Variants in ASH1L observed in about 807,000 individuals in gnomAD.
The protein encoded by ASH1L is histone-lysine N-methyltransferase ASH1L.
In ASH1L, 23 loss-of-function variants were observed where a neutral mutation model predicts 269.0. The observed-to-expected ratio is 0.09, with a 90% CI of 0.06 to 0.12. The LOEUF (loss-of-function observed/expected upper bound fraction) is 0.12. Among genes scored for constraint, ASH1L ranks in the 10% least tolerant of loss-of-function variants. The pLI is 1.00. For synonymous variants in ASH1L, 1,187 were observed against 1,253.5 expected (o/e 0.95, Z 1.12); for missense variants, 2,912 against 3,567.8 (o/e 0.82, Z 4.68).
chr1:155,373,045 T>A (rs1382176748), intron 10 of ASH1L, among the ~76,000 whole-genome samples: 1 of 151,840 alleles, frequency 6.6e-6, no homozygotes, highest in Non-Finnish European at 1.5e-5. Flanking sequence ...AAACCCCATC[T>A]CTACTAAAAA....
intron 4 of ASH1L, among the ~76,000 whole-genome samples, chr1:155,441,447 A>G (rs1469514390): frequency 6.8e-6 from 1 of 147,764 alleles, no homozygotes; most frequent in African/African-American, 2.5e-5. Flanking sequence ...TATTTGAATA[A>G]AGAATCCTTT....
At chr1:155,446,626 CTTTTTTT>C (rs34042736) in intron 4 of ASH1L, among the ~76,000 whole-genome samples, 1 of 116,844 alleles carries the variant, frequency 8.6e-6, no homozygotes, top group Non-Finnish European at 1.8e-5. Context: ...TTTTTTTTTT[CTTTTTTT>C]TTTTTTGAGA....
chr1:155,481,081 C>T lies in ASH1L; in HGVS notation c.1789G>A (p.Glu597Lys). Residue 597 changes from glutamate (E) to lysine (K), a missense_variant, in exon 3 of 28, where the codon GAA becomes AAA. Coordinates refer to ENST00000392403, the MANE Select transcript of ASH1L (RefSeq NM_018489.3). ...GTAAACTGGTTCTTTCCAACAGATT[C>T]AGAAATTTCTTCGATTAGTTCTGTA... is the stretch of plus-strand genomic sequence containing the variant. ...STTELIEEISESVGKNQFTSE... is the reference protein window; with the variant it reads ...STTELIEEISKSVGKNQFTSE... 10 of 1,614,008 alleles carry T rather than the reference C, an allele frequency of 6.2e-6. No homozygotes were observed. Among genetic ancestry groups the T allele is most frequent in the Non-Finnish European group, 8.5e-6 (10 of 1,179,962 alleles).
intron 7 of ASH1L, 128 bp from the exon 8 acceptor site, chr1:155,380,244 C>A: frequency 1.5e-6 from 1 of 653,182 alleles, no homozygotes; most frequent in Non-Finnish European, 2.6e-6. Context: ...AAGGATTTTT[C>A]CATCACCAAT....
rs1424326955 is a variant in ASH1L at position 155,477,980 on chromosome 1, G to A, written c.4890C>T (p.Ser1630=). The A allele has an allele frequency of 6.2e-7, 1 of 1,614,206 alleles. No individual in the cohort carries two copies. The highest frequency in any genetic ancestry group is 8.5e-7 in the Non-Finnish European group (1 of 1,180,040). Residue 1630 remains serine (S), a synonymous_variant, in exon 3 of 28, where the codon AGC becomes AGT. Coordinates refer to ENST00000392403, the MANE Select transcript of ASH1L (RefSeq NM_018489.3). ...NSSGRKKLTD[S]PGLFSAQDTS... is the part of the protein sequence containing the mutation. ...TGTCCTGTGCAGAAAAGAGTCCAGG[G>A]CTGTCAGTTAATTTCTTCCGGCCAC...
intron 4 of ASH1L, among the ~76,000 whole-genome samples, chr1:155,457,277 A>G (rs996628940): frequency 4.6e-5 from 7 of 152,214 alleles, no homozygotes; most frequent in Admixed American, 2.6e-4. Context: ...TGCATGTACA[A>G]TGAAGTTCCA....
intron 7 of ASH1L, among the ~76,000 whole-genome samples, chr1:155,380,361 C>A (rs975937426): frequency 6.6e-6 from 1 of 151,870 alleles, no homozygotes; most frequent in African/African-American, 2.4e-5. Flanking sequence ...AAAACTACAA[C>A]CAAAAACACA....
intron 1 of ASH1L, among the ~76,000 whole-genome samples, chr1:155,558,946 G>A (rs1485754885): frequency 4.7e-5 from 7 of 150,434 alleles, no homozygotes; most frequent in Non-Finnish European, 8.8e-5. Flanking sequence ...AGGGATTCAA[G>A]AGATCCTCCT....
intron 4 of ASH1L, among the ~76,000 whole-genome samples, chr1:155,446,035 C>CTTTTTTTT (rs77905341): frequency 8.3e-6 from 1 of 119,996 alleles, no homozygotes; most frequent in Admixed American, 8.4e-5. Flanking sequence ...CTACACTGTA[C>CTTTTTTTT]TTTTTTTTTT....
At chr1:155,456,452 G>A (rs1338961661) in intron 4 of ASH1L, among the ~76,000 whole-genome samples, 1 of 152,046 alleles carries the variant, frequency 6.6e-6, no homozygotes, top group Non-Finnish European at 1.5e-5. Flanking sequence ...CCATTCTGAA[G>A]TCTTGTTTAG....
chr1:155,433,996 T>C (rs1201477819), intron 5 of ASH1L: 3 of 1,587,100 alleles, frequency 1.9e-6, no homozygotes, highest in Non-Finnish European at 2.6e-6. Flanking sequence ...TCGAGAAGGA[T>C]GTGGTCCGAG....
chr1:155,498,971 G>T (rs909690228), intron 2 of ASH1L, among the ~76,000 whole-genome samples: 2 of 148,612 alleles, frequency 1.3e-5, no homozygotes, highest in Admixed American at 6.7e-5. Flanking sequence ...AAACATATAG[G>T]TCAAGAATGC....
At position 155,343,064 on chromosome 1, in the gene ASH1L, T is replaced by G. The variant is rs577418720; in HGVS notation, c.8293+250A>C. On this transcript the variant is annotated intron_variant, in intron 24 of 27. Transcript: ENST00000392403. The surrounding 1 kb of genome is among the most constrained non-coding windows in gnomAD (Gnocchi z 6.1). ...TTTCATTCTGTTGCACAGGTTGGAG[T>G]GCAGTGGTGCGATCTTGGCTCACTG... 2.6e-6 allele frequency: 1 copy of G among 377,386 alleles called. No homozygotes were observed. The highest frequency in any genetic ancestry group is 4.7e-5 in the East Asian group (1 of 21,206). The allele number at this position is 377,386 out of a possible 1,614,324, so 23.4% of individuals were successfully genotyped here. A position where few individuals can be genotyped will look rare whatever the true frequency, so the allele number is the denominator to read the frequency against.
chr1:155,506,189 T>C (rs575265730), intron 2 of ASH1L, among the ~76,000 whole-genome samples: 2 of 152,302 alleles, frequency 1.3e-5, no homozygotes, highest in African/African-American at 4.8e-5. Flanking sequence ...TATGGCTGCA[T>C]AGTATTCCTT....
chr1:155,483,331 C>G (rs1666086004), intron 2 of ASH1L, among the ~76,000 whole-genome samples: 1 of 152,044 alleles, frequency 6.6e-6, no homozygotes, highest in African/African-American at 2.4e-5. Context: ...ATTTCTTTGG[C>G]ATTTAGAAAA....
At chr1:155,423,262 T>A (rs1403499251) in intron 5 of ASH1L, among the ~76,000 whole-genome samples, 2 of 151,570 alleles carry the variant, frequency 1.3e-5, no homozygotes, top group East Asian at 2.0e-4. Context: ...TATGCTTTTT[T>A]AAGGCAATCC....
At chr1:155,502,221 C>T (rs954280730) in intron 2 of ASH1L, among the ~76,000 whole-genome samples, 1 of 151,262 alleles carries the variant, frequency 6.6e-6, no homozygotes, top group African/African-American at 2.4e-5. Flanking sequence ...TAGGCACGCA[C>T]CACCACACCC....
intron 1 of ASH1L, among the ~76,000 whole-genome samples, chr1:155,541,389 T>C (rs1262766684): frequency 6.6e-6 from 1 of 152,086 alleles, no homozygotes; most frequent in Admixed American, 6.6e-5. Context: ...ATATACACCA[T>C]GTAATGTGCT....
At position 155,478,878 on chromosome 1, in the gene ASH1L, G is replaced by C; in HGVS notation, c.3992C>G (p.Pro1331Arg). Residue 1331 changes from proline (P) to arginine (R), a missense_variant, in exon 3 of 28, where the codon CCT (proline) becomes CGT (arginine). Physicochemically the swap from Pro to Arg is moderately radical, Grantham distance 103. Around this residue, in one of 13 missense-constraint regions of ASH1L, gnomAD observed 789 missense variants for 897.6 expected, o/e 0.88. Coordinates refer to ENST00000392403, the MANE Select transcript of ASH1L (RefSeq NM_018489.3). The surrounding 1 kb of genome is among the most constrained non-coding windows in gnomAD (Gnocchi z 4.6). Reference sequence around the variant, plus strand: ...GTGCAAAGGGTCTAAGGGGAAAGAAGGATGTGTATAGAAACTATTAAAGTT... The same window carrying C: ...GTGCAAAGGGTCTAAGGGGAAAGAACGATGTGTATAGAAACTATTAAAGTT... ...RINFNSFYTH[P>R]SFPLDPLHYI... is the part of the protein sequence containing the mutation. The C allele has an allele frequency of 6.2e-7, 1 of 1,614,046 alleles. No homozygotes were observed. The highest frequency in any genetic ancestry group is 1.1e-5 in the South Asian group (1 of 91,054).
Sources: gnomAD v4.1 joint callset for allele counts (sites outside exome capture counted in the v4.1 genomes callset) on GRCh38, gnomAD v4.1.1 for gene constraint, gnomAD v4.1.1 regional missense constraint, Gnocchi (gnomAD v3.1) non-coding constraint, MANE v1.5 for transcripts, NCBI Gene and HGNC (gene_info 2026-07-23, HGNC 2026-07-21) for gene names.